Variants in RGS7 observed in about 807,000 individuals in gnomAD.
The protein encoded by RGS7 is regulator of G-protein signaling 7.
A neutral mutation model predicts 81.1 loss-of-function variants in RGS7; 27 were observed. The observed-to-expected ratio is 0.33, with a 90% CI of 0.25 to 0.46. RGS7 has a LOEUF of 0.46. Among genes scored for constraint, RGS7 ranks in the 20% least tolerant of loss-of-function variants. RGS7 has a pLI of 1.00. For synonymous variants in RGS7, 208 were observed against 207.7 expected (o/e 1.00, Z -0.01); for missense variants, 396 against 607.4 (o/e 0.65, Z 3.66).
intron 2 of RGS7, among the ~76,000 whole-genome samples, chr1:241,159,418 C>T (rs1244111652): frequency 6.6e-6 from 1 of 152,182 alleles, no homozygotes; most frequent in Admixed American, 6.5e-5. Flanking sequence ...TTGAAAAACA[C>T]CTACTTATCC....
At chr1:240,983,395 G>A (rs2148559543) in intron 3 of RGS7, among the ~76,000 whole-genome samples, 1 of 152,244 alleles carries the variant, frequency 6.6e-6, no homozygotes, top group East Asian at 1.9e-4. Flanking sequence ...CTAGTAGAAA[G>A]TGATTTGTTT....
At chr1:241,316,506 C>T (rs1205132606) in intron 2 of RGS7, among the ~76,000 whole-genome samples, 1 of 152,086 alleles carries the variant, frequency 6.6e-6, no homozygotes, top group African/African-American at 2.4e-5. Flanking sequence ...TGGAGATTCC[C>T]GGATTTGAGG....
chr1:241,144,127 A>C lies in RGS7; in HGVS notation c.79-45365T>G, dbSNP rs914198735. Among the ~76,000 whole-genome samples, 1 of 152,146 alleles carries C rather than the reference A, an allele frequency of 6.6e-6. No homozygotes were observed. The highest frequency in any genetic ancestry group is 1.5e-5 in the Non-Finnish European group (1 of 68,020). ...TTACTAGCTTTTATAGTAAAAATCT[A>C]GCTTTTCTAGTTTGTTCTTCATATA... is the stretch of plus-strand genomic sequence containing the variant. On this transcript the variant is annotated intron_variant, in intron 2 of 18. Transcript: ENST00000440928. This position sits in a 1 kb window ranked among gnomAD's most constrained non-coding sequence, Gnocchi z 4.7.
At chr1:240,976,810 T>C (rs531950178) in intron 4 of RGS7, among the ~76,000 whole-genome samples, 7 of 151,946 alleles carry the variant, frequency 4.6e-5, no homozygotes, top group Non-Finnish European at 1.0e-4. Flanking sequence ...CTATCATCTA[T>C]CTATATTTTC....
chr1:240,888,291 G>A (rs1002908414), intron 6 of RGS7, among the ~76,000 whole-genome samples: 1 of 152,152 alleles, frequency 6.6e-6, no homozygotes, highest in Non-Finnish European at 1.5e-5. Flanking sequence ...GCTTTACAAA[G>A]AATTTCAAGA....
intron 2 of RGS7, among the ~76,000 whole-genome samples, chr1:241,316,083 T>G (rs1221757590): frequency 5.9e-5 from 9 of 152,230 alleles, no homozygotes; most frequent in Admixed American, 5.9e-4. Context: ...TGACACTCAT[T>G]GCGGGGGGTT....
rs557710452 is a variant in RGS7 at position 240,933,037 on chromosome 1, C to T, written c.334-2269G>A. Among the ~76,000 whole-genome samples the T allele has an allele frequency of 1.0e-3, 149 of 149,216 alleles. 2 individuals are homozygous for T. Among genetic ancestry groups the T allele is most frequent in the African/African-American group, 3.0e-3 (122 of 40,372 alleles). On this transcript the variant is annotated intron_variant, in intron 5 of 18. Coordinates refer to ENST00000440928, the MANE Select transcript of RGS7 (RefSeq NM_001364886.1). ...TAGCTGGGACTACAGGCGCCCGCAC[C>T]ACGCCCGGCTAATTTTTTGTATTTT... is the stretch of plus-strand genomic sequence containing the variant.
intron 3 of RGS7, among the ~76,000 whole-genome samples, chr1:241,030,255 G>C (rs1401731276): frequency 6.6e-6 from 1 of 151,460 alleles, no homozygotes; most frequent in Non-Finnish European, 1.5e-5. Context: ...GTGGGCTGTT[G>C]AGATACAATA....
intron 2 of RGS7, among the ~76,000 whole-genome samples, chr1:241,237,785 G>C (rs185251249): frequency 2.0e-5 from 3 of 152,254 alleles, no homozygotes; most frequent in Non-Finnish European, 4.4e-5. Flanking sequence ...ACAGGATAAA[G>C]CCTCCAGACA....
intron 3 of RGS7, among the ~76,000 whole-genome samples, chr1:241,095,382 C>T (rs2064176742): frequency 6.6e-6 from 1 of 152,136 alleles, no homozygotes; most frequent in South Asian, 2.1e-4. Context: ...GGGCTCATTC[C>T]TATAATCCCA....
chr1:241,045,772 T>G (rs900861908), intron 3 of RGS7, among the ~76,000 whole-genome samples: 2 of 152,198 alleles, frequency 1.3e-5, no homozygotes, highest in African/African-American at 4.8e-5. Context: ...TCCTGTACCT[T>G]GCTTGAAAAA....
intron 3 of RGS7, among the ~76,000 whole-genome samples, chr1:241,037,720 CA>C (rs34194641): frequency 0.7 from 90,840 of 130,152 alleles, 30,567 homozygotes; most frequent in East Asian, 0.97. Context: ...GACTCCATCT[CA>C]AAAAAAAAAA....
chr1:240,949,366 C>T (rs553773432), intron 4 of RGS7, among the ~76,000 whole-genome samples: 2 of 152,278 alleles, frequency 1.3e-5, no homozygotes, highest in South Asian at 4.1e-4. Flanking sequence ...GTCATCCATC[C>T]ACCCATCTGC....
intron 2 of RGS7, among the ~76,000 whole-genome samples, chr1:241,128,868 A>G (rs769958886): frequency 6.6e-6 from 1 of 150,410 alleles, no homozygotes; most frequent in Non-Finnish European, 1.5e-5. Flanking sequence ...TTAGCTTTGG[A>G]TTAATTTACA....
intron 9 of RGS7, among the ~76,000 whole-genome samples, chr1:240,834,123 T>C (rs1694294479): frequency 1.3e-5 from 2 of 152,194 alleles, no homozygotes. Flanking sequence ...CAAGCTTTTC[T>C]TCATTTTCTT....
chr1:240,827,549 G>C (rs932846321), intron 9 of RGS7, among the ~76,000 whole-genome samples: 1 of 152,056 alleles, frequency 6.6e-6, no homozygotes, highest in Non-Finnish European at 1.5e-5. Context: ...ACAGCCTCTC[G>C]CAGAGATCTC....
intron 4 of RGS7, among the ~76,000 whole-genome samples, chr1:240,977,105 C>CACAA (rs1365678493): frequency 6.7e-6 from 1 of 148,714 alleles, no homozygotes; most frequent in Non-Finnish European, 1.5e-5. Flanking sequence ...CACACACACA[C>CACAA]ACACACACAC....
At chr1:241,236,162 C>T (rs910609566) in intron 2 of RGS7, among the ~76,000 whole-genome samples, 1 of 130,994 alleles carries the variant, frequency 7.6e-6, no homozygotes, top group Non-Finnish European at 1.7e-5. Flanking sequence ...GAGCAAATGA[C>T]GACCTCCGCC....
At chr1:240,889,096 A>G (rs1022422924) in intron 6 of RGS7, among the ~76,000 whole-genome samples, 4 of 152,068 alleles carry the variant, frequency 2.6e-5, no homozygotes, top group Non-Finnish European at 5.9e-5. Context: ...AGCTGGGACT[A>G]CAGGCGCCCG....
Sources: allele counts gnomAD v4.1 joint callset (sites outside exome capture counted in the v4.1 genomes callset), GRCh38; gene constraint gnomAD v4.1.1; non-coding constraint Gnocchi (gnomAD v3.1); transcripts MANE v1.5; gene names NCBI Gene and HGNC (gene_info 2026-07-23, HGNC 2026-07-21).